Variants in SFI1 observed in about 807,000 individuals in gnomAD.
SFI1 encodes the protein protein SFI1 homolog.
SFI1 carries 195 observed loss-of-function variants against 207.5 expected under a neutral mutation model. The observed-to-expected ratio is 0.94, with a 90% confidence interval of 0.84 to 1.06. The LOEUF (loss-of-function observed/expected upper bound fraction) is 1.06, where lower values mean the gene tolerates loss of function less well. Among genes scored for constraint, SFI1 ranks in the 50% least tolerant of loss-of-function variants. The pLI, the probability that SFI1 is intolerant of heterozygous loss-of-function variation, is 0.00. For synonymous variants in SFI1, 630 were observed against 598.9 expected, an observed-to-expected ratio of 1.05 and a Z score of -0.76; for missense variants, 1,634 against 1,588.0, an observed-to-expected ratio of 1.03 and a Z score of -0.49.
intron 1 of SFI1, among the ~76,000 whole-genome samples, chr22:31,504,411 T>C (rs2054304846): frequency 6.6e-6 from 1 of 152,200 alleles, no homozygotes; most frequent in Non-Finnish European, 1.5e-5. Flanking sequence ...CTTGTCTGAT[T>C]GTCATTGAAA....
intron 15 of SFI1, among the ~76,000 whole-genome samples, chr22:31,593,240 GGGGTGGTTGCC>G: frequency 6.7e-6 from 1 of 150,082 alleles, no homozygotes; most frequent in Non-Finnish European, 1.5e-5. Flanking sequence ...CTTCTCAGAC[GGGGTGGTTGCC>G]AGGCAGAGGG....
intron 2 of SFI1, among the ~76,000 whole-genome samples, chr22:31,513,845 C>T (rs1048041537): frequency 8.4e-6 from 1 of 119,506 alleles, no homozygotes; most frequent in Non-Finnish European, 1.7e-5. Context: ...TCCCAAAGTG[C>T]TGGGATTACA....
chr22:31,507,668 A>T (rs1023958275), intron 1 of SFI1, among the ~76,000 whole-genome samples: 1 of 152,204 alleles, frequency 6.6e-6, no homozygotes, highest in Non-Finnish European at 1.5e-5. Context: ...AAACAGCCCC[A>T]TTAAGAAGTG....
In SFI1 at chr22:31,606,399, G is replaced by A. The variant is rs369977945; in HGVS notation, c.2126G>A (p.Ser709Asn). The change falls in exon 21 of 33, where the codon AGT becomes AAT. Residue 709 changes from serine to asparagine, a missense_variant. Transcript: ENST00000400288. ...GAAGCCAAAAAAACCTTTCAAGCAA[G>A]TACTCATTACAGAAGGACCATATGT... ...VDEAKKTFQA[S>N]THYRRTICSK... 4 of 1,613,850 alleles carry A rather than the reference G, an allele frequency of 2.5e-6. No homozygotes were observed. In the African/African-American group the frequency reaches 4.0e-5, roughly 16 times the overall value.
At chr22:31,503,673 C>A (rs12484858) in intron 1 of SFI1, among the ~76,000 whole-genome samples, 1 of 150,142 alleles carries the variant, frequency 6.7e-6, no homozygotes, top group East Asian at 2.0e-4. Flanking sequence ...CTGCAACCTC[C>A]GCCTCCTAGG....
chr22:31,615,096 C>A lies in SFI1; in HGVS notation c.3117C>A (p.Ala1039=). The A allele has an allele frequency of 6.2e-7, 1 of 1,606,702 alleles. No homozygotes were observed. Among genetic ancestry groups the A allele is most frequent in the Non-Finnish European group, 8.5e-7 (1 of 1,176,748 alleles). ...GCCTAGGCATGGCTCAGCCAGCAGC[C>A]CCCTCCCTGACGCGGCCCTTCCTGG... ...EHGLGMAQPA[A]PSLTRPFLAE... is the part of the protein sequence containing the mutation. The change falls in exon 29 of 33, where the codon GCC becomes GCA. Residue 1039 remains alanine (A), a synonymous_variant. Transcript: ENST00000400288.
rs542802285 is a variant in SFI1, at chr22:31,606,723, G to C, written c.2157+293G>C. On this transcript the variant is annotated intron_variant, in intron 21 of 32. Transcript: ENST00000400288. Reference sequence around the variant, plus strand: ...TTTTTTTTTTTTTTTTTTTGAGACAGTCTCACTCTGTCACCCAGGCTAGAG... The same window carrying C: ...TTTTTTTTTTTTTTTTTTTGAGACACTCTCACTCTGTCACCCAGGCTAGAG... 4 of 192,218 alleles carry C rather than the reference G, an allele frequency of 2.1e-5. No individual in the cohort carries two copies. In the East Asian group the frequency reaches 5.0e-4, roughly 24 times the overall value. The allele number at this position is 192,218 out of a possible 1,614,324, so 11.9% of individuals were successfully genotyped here. A position where few individuals can be genotyped will look rare whatever the true frequency, so the allele number is the denominator to read the frequency against.
chr22:31,575,139 C>A, intron 9 of SFI1, 92 bp from the exon 10 acceptor site: 1 of 1,195,450 alleles, frequency 8.4e-7, no homozygotes, highest in Non-Finnish European at 1.2e-6. Context: ...AACCCCTGCT[C>A]TCTGCCAGTA....
chr22:31,595,017 G>C (rs899679774), intron 15 of SFI1, among the ~76,000 whole-genome samples: 2 of 151,758 alleles, frequency 1.3e-5, no homozygotes, highest in African/African-American at 4.8e-5. Context: ...TTATTTTTGA[G>C]TTGGAGTCTT....
chr22:31,513,400 C>G (rs1292914414), intron 2 of SFI1, among the ~76,000 whole-genome samples: 1 of 152,016 alleles, frequency 6.6e-6, no homozygotes, highest in Non-Finnish European at 1.5e-5. Flanking sequence ...CTCAAGCAAT[C>G]TGCCCCTCCC....
Position 31,549,288 on chromosome 22 carries a change from T to TAA in SFI1, c.450-940_450-939dup, listed in dbSNP as rs59382278. Among the ~76,000 whole-genome samples the TAA allele has an allele frequency of 4.5e-3, 168 of 37,196 alleles. 24 individuals are homozygous for TAA. Among genetic ancestry groups the TAA allele is most frequent in the African/African-American group, 0.015 (123 of 8,052 alleles). The allele number at this position is 37,196 out of a possible 152,430, so 24.4% of individuals were successfully genotyped here. ...CTAGGTGACAGAGTGAGACCCTGTG[T>TAA]AAAAAAAAAAAAAAAAAAAAAAAAA... is the stretch of plus-strand genomic sequence containing the variant. On this transcript the variant is annotated intron_variant, in intron 5 of 32. Coordinates refer to ENST00000400288, the MANE Select transcript of SFI1 (RefSeq NM_001007467.3).
chr22:31,527,669 A>G (rs2058061193), intron 2 of SFI1, among the ~76,000 whole-genome samples: 1 of 152,190 alleles, frequency 6.6e-6, no homozygotes, highest in African/African-American at 2.4e-5. Context: ...GATATTCTGA[A>G]GCAAGAGATC....
chr22:31,582,236 ATTTTTTTTTTTT>A (rs1161846940), intron 12 of SFI1, among the ~76,000 whole-genome samples: 1 of 10,138 alleles, frequency 9.9e-5, no homozygotes, highest in African/African-American at 3.5e-4. Flanking sequence ...ATATATATAT[ATTTTTTTTTTTT>A]TTTTTTTTTT....
chr22:31,505,057 TAGTA>T (rs2054405309), intron 1 of SFI1, among the ~76,000 whole-genome samples: 2 of 151,758 alleles, frequency 1.3e-5, no homozygotes, highest in African/African-American at 4.9e-5. Flanking sequence ...AAAAGAAAAA[TAGTA>T]ATAATAATAA....
intron 2 of SFI1, among the ~76,000 whole-genome samples, chr22:31,515,059 G>A (rs569579442): frequency 4.0e-5 from 6 of 151,688 alleles, no homozygotes; most frequent in East Asian, 1.9e-4. Context: ...GTGAGCCACT[G>A]TGCCGGGCTA....
chr22:31,603,181 C>A (rs188849706), intron 17 of SFI1, among the ~76,000 whole-genome samples: 1 of 152,154 alleles, frequency 6.6e-6, no homozygotes, highest in Non-Finnish European at 1.5e-5. Flanking sequence ...TGCAGTGAAC[C>A]GAGATGGCAC....
chr22:31,618,452 T>C lies in SFI1; in HGVS notation c.*34T>C. On this transcript the variant is annotated 3_prime_UTR_variant, in exon 33 of 33. Coordinates refer to ENST00000400288, the MANE Select transcript of SFI1 (RefSeq NM_001007467.3). Reference sequence around the variant, plus strand: ...CACCAGGAACGCAGGTGCTGGGCTGTCGGGGAGGCCTCAGGCCACCTCCAG... The same window carrying C: ...CACCAGGAACGCAGGTGCTGGGCTGCCGGGGAGGCCTCAGGCCACCTCCAG... 1 of 1,500,054 alleles carries C rather than the reference T, an allele frequency of 6.7e-7. No individual in the cohort carries two copies. Among genetic ancestry groups the C allele is most frequent in the Non-Finnish European group, 8.9e-7 (1 of 1,123,320 alleles). The allele number at this position is 1,500,054 out of a possible 1,614,324, so 92.9% of individuals were successfully genotyped here. A position where few individuals can be genotyped will look rare whatever the true frequency, so the allele number is the denominator to read the frequency against.
At chr22:31,613,943 A>ATGGGACGGGC in intron 27 of SFI1, 88 bp downstream of exon 27, 1 of 1,449,254 alleles carries the variant, frequency 6.9e-7, no homozygotes, top group Non-Finnish European at 9.1e-7. Flanking sequence ...CCCTGACGGG[A>ATGGGACGGGC]TGGGACGGGC....
At chr22:31,596,842 C>A (rs1008151160) in intron 15 of SFI1, among the ~76,000 whole-genome samples, 1 of 150,818 alleles carries the variant, frequency 6.6e-6, no homozygotes, top group African/African-American at 2.4e-5. Context: ...GTACCCGTTT[C>A]TAAATGGCTT....
Sources: allele counts gnomAD v4.1 joint callset (sites outside exome capture counted in the v4.1 genomes callset), GRCh38; gene constraint gnomAD v4.1.1; transcripts MANE v1.5; gene names NCBI Gene and HGNC (gene_info 2026-07-23, HGNC 2026-07-21).